C8orf34: variants seen among roughly 807,000 people sequenced by gnomAD.
C8orf34 encodes uncharacterized protein C8orf34.
A neutral mutation model predicts 68.3 loss-of-function variants in C8orf34; 65 were observed. The observed-to-expected ratio is 0.95, with a 90% confidence interval of 0.78 to 1.17. C8orf34 has a LOEUF of 1.17. C8orf34 is among the 50% of genes most tolerant of loss of function. The pLI, the probability that C8orf34 is intolerant of heterozygous loss-of-function variation, is 0.00. For synonymous variants in C8orf34, 244 were observed against 241.2 expected, an observed-to-expected ratio of 1.01 and a Z score of -0.11; for missense variants, 664 against 655.4, an observed-to-expected ratio of 1.01 and a Z score of -0.14.
intron 12 of C8orf34, chr8:68,792,132 G>C (rs543074123): frequency 6.6e-6 from 1 of 152,164 alleles, no homozygotes; most frequent in Admixed American, 6.5e-5. Context: ...TGCTGAAGAC[G>C]AGCTCTCAAT....
intron 7 of C8orf34, among the ~76,000 whole-genome samples, chr8:68,616,735 G>A (rs1486031247): frequency 6.6e-6 from 1 of 152,114 alleles, no homozygotes; most frequent in Non-Finnish European, 1.5e-5. Context: ...TGGAATAGGT[G>A]TGGTGTGGTG....
chr8:68,398,921 G>A (rs542086339), intron 1 of C8orf34, among the ~76,000 whole-genome samples: 2 of 152,190 alleles, frequency 1.3e-5, no homozygotes, highest in East Asian at 1.9e-4. Context: ...GACCTGTGCT[G>A]TCCCTCGGGC....
intron 7 of C8orf34, among the ~76,000 whole-genome samples, chr8:68,568,288 A>C (rs1816657115): frequency 6.6e-6 from 1 of 151,782 alleles, no homozygotes; most frequent in Non-Finnish European, 1.5e-5. Flanking sequence ...TTATATTCAC[A>C]ACTTGGCTAA....
intron 3 of C8orf34, among the ~76,000 whole-genome samples, chr8:68,450,755 G>A (rs1811307643): frequency 6.6e-6 from 1 of 152,078 alleles, no homozygotes. Context: ...AGGCTTTGTT[G>A]TTTTATCTGT....
chr8:68,521,422 G>T (rs1198811992), intron 5 of C8orf34, among the ~76,000 whole-genome samples: 1 of 152,106 alleles, frequency 6.6e-6, no homozygotes, highest in African/African-American at 2.4e-5. Flanking sequence ...CCCCAACCCA[G>T]TTTCTACCTG....
chr8:68,792,468 A>G (rs533189740), intron 12 of C8orf34: 1 of 146,146 alleles, frequency 6.8e-6, no homozygotes, highest in South Asian at 2.3e-4. Flanking sequence ...GCTACTCGGG[A>G]GGCTGAGGCA....
At chr8:68,685,032 A>G (rs1176989401) in intron 8 of C8orf34, among the ~76,000 whole-genome samples, 1 of 152,070 alleles carries the variant, frequency 6.6e-6, no homozygotes, top group African/African-American at 2.4e-5. Flanking sequence ...ATATTAGTAA[A>G]TCTCAAGGAA....
At chr8:68,507,277 A>G (rs1021396987) in intron 5 of C8orf34, among the ~76,000 whole-genome samples, 3 of 152,246 alleles carry the variant, frequency 2.0e-5, no homozygotes, top group Non-Finnish European at 4.4e-5. Context: ...TCTTAAATCC[A>G]GTAAACTTTC....
intron 11 of C8orf34, among the ~76,000 whole-genome samples, chr8:68,787,103 A>G (rs1235668695): frequency 1.3e-5 from 2 of 152,234 alleles, no homozygotes; most frequent in African/African-American, 2.4e-5. Context: ...TTGATGGCAA[A>G]GAGGCACATT....
intron 10 of C8orf34, among the ~76,000 whole-genome samples, chr8:68,730,614 A>C (rs1371718048): frequency 1.3e-5 from 2 of 152,150 alleles, no homozygotes; most frequent in Non-Finnish European, 2.9e-5. Flanking sequence ...GCCTGAGATG[A>C]TAAAGTGTGA....
In C8orf34 at chr8:68,471,926, AC is replaced by A. The variant is rs397892049; in HGVS notation, c.736+3107del. On this transcript the variant is annotated intron_variant, in intron 4 of 13. Coordinates refer to ENST00000518698, the MANE Select transcript of C8orf34 (RefSeq NM_052958.4). ...TGCCAGCTTTTAGAGACTTAAATGAACACACACACACACACACACACACACA... is the reference window on the plus strand; with the variant it reads ...TGCCAGCTTTTAGAGACTTAAATGAAACACACACACACACACACACACACA... 1.4e-3 allele frequency among the ~76,000 whole-genome samples: 3 copies of A among 2,206 alleles called. 1 individual carries two copies. The highest frequency in any genetic ancestry group is 4.8e-3 in the African/African-American group (3 of 624). 1.4% of individuals were successfully genotyped at this position (2,206 alleles called of 152,430 possible). A position where few individuals can be genotyped will look rare whatever the true frequency, so the allele number is the denominator to read the frequency against.
At chr8:68,597,760 A>T (rs1252017590) in intron 7 of C8orf34, among the ~76,000 whole-genome samples, 1 of 152,196 alleles carries the variant, frequency 6.6e-6, no homozygotes, top group East Asian at 1.9e-4. Flanking sequence ...GCCTTAAAGT[A>T]ATATAACTAC....
chr8:68,717,751 A>T (rs1439026318), intron 9 of C8orf34, among the ~76,000 whole-genome samples: 1 of 152,144 alleles, frequency 6.6e-6, no homozygotes, highest in Admixed American at 6.5e-5. Context: ...TATAAGTCAA[A>T]TATTAGGTAA....
chr8:68,597,125 C>T (rs1817567569), intron 7 of C8orf34, among the ~76,000 whole-genome samples: 1 of 152,086 alleles, frequency 6.6e-6, no homozygotes, highest in Admixed American at 6.6e-5. Flanking sequence ...AGCCACACTT[C>T]ACATGGTGGT....
intron 10 of C8orf34, among the ~76,000 whole-genome samples, chr8:68,743,801 T>G (rs540015114): frequency 6.6e-6 from 1 of 152,106 alleles, no homozygotes; most frequent in Admixed American, 6.5e-5. Flanking sequence ...GCAGCAAGGC[T>G]GGGGGAGGGG....
At chr8:68,507,817 A>G (rs1020269529) in intron 5 of C8orf34, among the ~76,000 whole-genome samples, 1 of 152,180 alleles carries the variant, frequency 6.6e-6, no homozygotes, top group African/African-American at 2.4e-5. Flanking sequence ...TCCTTTATAT[A>G]GTTTGATTCC....
intron 7 of C8orf34, among the ~76,000 whole-genome samples, chr8:68,566,120 T>C (rs998430568): frequency 3.9e-5 from 6 of 152,252 alleles, no homozygotes; most frequent in African/African-American, 7.2e-5. Context: ...AGTTGTAAAG[T>C]TGTGTTTTTA....
intron 8 of C8orf34, among the ~76,000 whole-genome samples, chr8:68,659,436 A>C (rs911506852): frequency 1.3e-5 from 2 of 152,122 alleles, no homozygotes; most frequent in South Asian, 2.1e-4. Flanking sequence ...ATCCATTTTG[A>C]GTCTATTTCA....
intron 7 of C8orf34, 124 bp downstream of exon 7, chr8:68,533,273 A>T: frequency 7.1e-7 from 1 of 1,410,246 alleles, no homozygotes; most frequent in Admixed American, 3.1e-5. Flanking sequence ...CATTTAGTAC[A>T]TATTTTATTT....
Sources: gnomAD v4.1 joint callset for allele counts (sites outside exome capture counted in the v4.1 genomes callset) on GRCh38, gnomAD v4.1.1 for gene constraint, MANE v1.5 for transcripts, NCBI Gene and HGNC (gene_info 2026-07-23, HGNC 2026-07-21) for gene names.